The following SLA variants were observed in gnomAD, a reference collection of about 807,000 sequenced individuals.
The protein encoded by SLA is Src like adaptor.
SLA carries 16 observed loss-of-function variants against 30.3 expected under a neutral mutation model. The observed-to-expected ratio is 0.53, with a 90% CI of 0.36 to 0.80. The LOEUF (loss-of-function observed/expected upper bound fraction) is 0.80, where lower values mean the gene tolerates loss of function less well. SLA is among the 30% of genes least tolerant of loss of function. The pLI, the probability that SLA is intolerant of heterozygous loss-of-function variation, is 0.01. For synonymous variants in SLA, 143 were observed against 137.8 expected, an observed-to-expected ratio of 1.04 and a Z score of -0.26; for missense variants, 310 against 345.2, an observed-to-expected ratio of 0.90 and a Z score of 0.81.
chr8:133,101,271 A>G (rs1276739391), intron 1 of SLA, among the ~76,000 whole-genome samples: 1 of 152,182 alleles, frequency 6.6e-6, no homozygotes, highest in Non-Finnish European at 1.5e-5. Context: ...GTTATGAGCT[A>G]TGCTCCCACC....
intron 6 of SLA, 199 bp downstream of exon 6, chr8:133,047,631 G>T (rs140831136): frequency 9.3e-4 from 548 of 591,440 alleles, no homozygotes; most frequent in African/African-American, 9.2e-3. Context: ...TGCCCAGCCG[G>T]CTCCCCACTG....
At chr8:133,082,341 T>A (rs1250782873) in intron 1 of SLA, among the ~76,000 whole-genome samples, 1 of 152,142 alleles carries the variant, frequency 6.6e-6, no homozygotes, top group Non-Finnish European at 1.5e-5. Flanking sequence ...AAAGGTCCAC[T>A]GGAAAGACGG....
intron 1 of SLA, among the ~76,000 whole-genome samples, chr8:133,075,520 C>T (rs1235291508): frequency 1.3e-5 from 2 of 152,188 alleles, no homozygotes; most frequent in African/African-American, 4.8e-5. Context: ...GTTGATAATA[C>T]TGTTCCAGTC....
intron 1 of SLA, among the ~76,000 whole-genome samples, chr8:133,101,824 G>A (rs1405250628): frequency 1.3e-5 from 2 of 151,992 alleles, no homozygotes; most frequent in East Asian, 1.9e-4. Flanking sequence ...GTGCCATTGG[G>A]CCCCATAGCA....
intron 3 of SLA, among the ~76,000 whole-genome samples, chr8:133,058,215 T>A (rs1470382024): frequency 1.3e-5 from 2 of 152,042 alleles, no homozygotes; most frequent in African/African-American, 4.8e-5. Flanking sequence ...GAAACAACGT[T>A]AGGACCAATG....
intron 3 of SLA, among the ~76,000 whole-genome samples, chr8:133,055,363 GCGCACACACACACACACACA>G (rs1362771026): frequency 1.6e-4 from 5 of 31,986 alleles, no homozygotes; most frequent in African/African-American, 8.2e-4. Flanking sequence ...ACACGCACGC[GCGCACACACACACACACACA>G]CACACACACA....
At chr8:133,058,713 C>T (rs1247238958) in intron 3 of SLA, among the ~76,000 whole-genome samples, 3 of 152,218 alleles carry the variant, frequency 2.0e-5, no homozygotes, top group Admixed American at 1.3e-4. Context: ...CCACCCTGCA[C>T]GTTGCACGCT....
intron 1 of SLA, among the ~76,000 whole-genome samples, chr8:133,097,721 T>A (rs1313226610): frequency 6.6e-6 from 1 of 152,186 alleles, no homozygotes; most frequent in Middle Eastern, 3.2e-3. Flanking sequence ...CCTCTGGAGA[T>A]GTAGAGATGT....
chr8:133,056,315 C>T (rs1841435759), intron 3 of SLA, among the ~76,000 whole-genome samples: 1 of 152,160 alleles, frequency 6.6e-6, no homozygotes. Context: ...TCTCATGTAC[C>T]AGCAGCGAGG....
intron 3 of SLA, among the ~76,000 whole-genome samples, chr8:133,055,824 CCAGCAGCAGCAGCAGCAG>C (rs36210010): frequency 5.0e-4 from 75 of 150,884 alleles, no homozygotes; most frequent in South Asian, 1.7e-3. Flanking sequence ...CTCCTCATCA[CCAGCAGCAGCAGCAGCAG>C]CAGCAGCAGC....
At chr8:133,055,430 A>G (rs1483721782) in intron 3 of SLA, among the ~76,000 whole-genome samples, 1 of 151,324 alleles carries the variant, frequency 6.6e-6, no homozygotes, top group East Asian at 1.9e-4. Context: ...CAACTAACCA[A>G]TCACACAGAG....
At chr8:133,083,477 C>T (rs1846047624) in intron 1 of SLA, among the ~76,000 whole-genome samples, 1 of 152,168 alleles carries the variant, frequency 6.6e-6, no homozygotes, top group African/African-American at 2.4e-5. Flanking sequence ...TTCCTAAGAA[C>T]ACACAGCTGG....
chr8:133,064,494 C>T (rs1219196555), intron 2 of SLA, among the ~76,000 whole-genome samples: 1 of 152,196 alleles, frequency 6.6e-6, no homozygotes. Flanking sequence ...TAGTCACCTG[C>T]CCACTGTCCT....
In SLA at chr8:133,093,257, G is replaced by T. The variant is rs4736628; in HGVS notation, c.-319+9296C>A. ...CAACAATAGGCTAAATCATATTGAC[G>T]CTTGTTCCTTGGGTCATTGAATTCC... is the stretch of plus-strand genomic sequence containing the variant. On this transcript the variant is annotated intron_variant, in intron 1 of 8. Coordinates refer to ENST00000338087, the MANE Select transcript of SLA (RefSeq NM_001045556.3). Among the ~76,000 whole-genome samples, 3 of 151,986 alleles carry T rather than the reference G, an allele frequency of 2.0e-5. No individual in the cohort carries two copies. The South Asian group carries it at 6.2e-4, about 32-fold the overall frequency.
intron 2 of SLA, among the ~76,000 whole-genome samples, chr8:133,069,651 C>T (rs1403453712): frequency 5.3e-5 from 8 of 152,106 alleles, no homozygotes; most frequent in Admixed American, 2.0e-4. Context: ...TTTGTTTCTA[C>T]TCTCGGCTGG....
At chr8:133,040,876 G>A (rs539686772) in intron 7 of SLA, among the ~76,000 whole-genome samples, 1 of 152,310 alleles carries the variant, frequency 6.6e-6, no homozygotes, top group Non-Finnish European at 1.5e-5. Context: ...CACTCTAGAA[G>A]CTCACGCACA....
chr8:133,067,287 A>G (rs919722643), intron 2 of SLA, among the ~76,000 whole-genome samples: 3 of 152,008 alleles, frequency 2.0e-5, no homozygotes, highest in South Asian at 2.1e-4. Flanking sequence ...GGCCTGTTCT[A>G]CCTGCTCCCA....
At chr8:133,049,748 G>T (rs142932877) in intron 5 of SLA, 154 bp downstream of exon 5, 69 of 639,714 alleles carry the variant, frequency 1.1e-4, no homozygotes, top group Middle Eastern at 2.7e-4. Context: ...GCCCAAGGTT[G>T]CTCCTTTCCT....
chr8:133,066,733 T>C (rs907348503), intron 2 of SLA, among the ~76,000 whole-genome samples: 7 of 152,208 alleles, frequency 4.6e-5, no homozygotes, highest in Non-Finnish European at 8.8e-5. Context: ...TGAGCCTTGA[T>C]TTTCAAATCC....
Sources: gnomAD v4.1 joint callset for allele counts (sites outside exome capture counted in the v4.1 genomes callset) on GRCh38, gnomAD v4.1.1 for gene constraint, MANE v1.5 for transcripts, NCBI Gene and HGNC (gene_info 2026-07-23, HGNC 2026-07-21) for gene names.